KANSL1L: variants seen among roughly 807,000 people sequenced by gnomAD.
The protein encoded by KANSL1L is KAT8 regulatory NSL complex subunit 1 like.
A neutral mutation model predicts 108.6 loss-of-function variants in KANSL1L; 25 were observed. That is an observed-to-expected ratio of 0.23 (90% CI 0.17 to 0.32). The LOEUF (loss-of-function observed/expected upper bound fraction) is 0.32, where lower values mean the gene tolerates loss of function less well. Among genes scored for constraint, KANSL1L ranks in the 10% least tolerant of loss-of-function variants. KANSL1L has a pLI of 1.00. For missense variants in KANSL1L, 1,137 were observed against 1,125.7 expected, an observed-to-expected ratio of 1.01 and a Z score of -0.14; for synonymous variants, 405 against 395.1, an observed-to-expected ratio of 1.03 and a Z score of -0.30.
chr2:210,098,945 G>A (rs182535319), intron 4 of KANSL1L, among the ~76,000 whole-genome samples: 442 of 151,010 alleles, frequency 2.9e-3, no homozygotes, highest in Non-Finnish European at 5.5e-3. Flanking sequence ...AATAAGCAAA[G>A]GCCACATAAA....
intron 6 of KANSL1L, among the ~76,000 whole-genome samples, chr2:210,069,241 C>A (rs976663476): frequency 2.6e-5 from 4 of 152,196 alleles, no homozygotes; most frequent in African/African-American, 9.7e-5. Flanking sequence ...TTTCTAATAA[C>A]GTGTCCCCCA....
chr2:210,050,347 G>A (rs1300486130), intron 6 of KANSL1L, among the ~76,000 whole-genome samples: 1 of 152,062 alleles, frequency 6.6e-6, no homozygotes, highest in Admixed American at 6.5e-5. Context: ...AATGGTCTAA[G>A]CACTTCTAAT....
chr2:210,104,013 G>T, intron 4 of KANSL1L, 91 bp downstream of exon 4: 1 of 987,826 alleles, frequency 1.0e-6, no homozygotes, highest in Non-Finnish European at 1.6e-6. Context: ...CATATGCCAG[G>T]AAGATACACA....
At chr2:210,077,619 G>T (rs1364183489) in intron 5 of KANSL1L, among the ~76,000 whole-genome samples, 2 of 152,124 alleles carry the variant, frequency 1.3e-5, no homozygotes, top group Non-Finnish European at 2.9e-5. Context: ...ACCAAAAGAG[G>T]TTCTTTGTCC....
rs1688075840 is a variant in KANSL1L, at chr2:210,167,844, T to G, written c.-30+3305A>C. Among the ~76,000 whole-genome samples, 3 of 152,154 alleles carry G rather than the reference T, an allele frequency of 2.0e-5. No individual in the cohort carries two copies. In the South Asian group the frequency reaches 6.2e-4, roughly 31 times the overall value. On this transcript the variant is annotated intron_variant, in intron 1 of 14. Transcript: ENST00000281772. ...TTATGAATAGTCTTTGGATTTTTAT[T>G]ATAGACTATCTACTGGCAAGTTTAA...
intron 11 of KANSL1L, among the ~76,000 whole-genome samples, chr2:210,027,832 T>C (rs2093958156): frequency 6.6e-6 from 1 of 152,200 alleles, no homozygotes; most frequent in South Asian, 2.1e-4. Flanking sequence ...GAAATATATT[T>C]TTGCTATAGA....
In KANSL1L at chr2:210,104,205, T is replaced by C. The variant is rs775530611; in HGVS notation, c.1327A>G (p.Asn443Asp). The C allele has an allele frequency of 1.9e-6, 3 of 1,613,540 alleles. No homozygotes were observed. In the African/African-American group the frequency reaches 4.0e-5, roughly 22 times the overall value. Residue 443 changes from asparagine (N) to aspartate (D), a missense_variant, in exon 4 of 15, where the codon AAT becomes GAT. Transcript: ENST00000281772. ...TGACACTCCTGGGGAACCTGAGGATTCCCTAGAATGTTTAGTGAAGCTGCT... is the reference window on the plus strand; with the variant it reads ...TGACACTCCTGGGGAACCTGAGGATCCCCTAGAATGTTTAGTGAAGCTGCT... ...DQAASLNILG[N>D]PQVPQECQDP...
Position 210,153,674 on chromosome 2 carries a change from A to G in KANSL1L, c.909T>C (p.Asn303=). ...CATTTTTTGCATCATCCCACAATTT[A>G]TTCTCTGCAGTCAATGTGTTAACTT... ...KPEVNTLTAE[N]KLWDDAKNGF... is the part of the protein sequence containing the mutation. Residue 303 remains asparagine, a synonymous_variant, in exon 2 of 15, where the codon AAT becomes AAC. Transcript: ENST00000281772. 6.2e-7 allele frequency: 1 copy of G among 1,609,558 alleles called. No homozygotes were observed. The highest frequency in any genetic ancestry group is 8.5e-7 in the Non-Finnish European group (1 of 1,177,966).
At chr2:210,030,072 A>G (rs934990538) in intron 9 of KANSL1L, among the ~76,000 whole-genome samples, 154 bp from the exon 10 acceptor site, 1 of 152,010 alleles carries the variant, frequency 6.6e-6, no homozygotes, top group Non-Finnish European at 1.5e-5. Flanking sequence ...ATGAAAAAAG[A>G]GGAGCCTTAC....
chr2:210,022,437 A>T lies in KANSL1L; in HGVS notation c.*512T>A, dbSNP rs1391614158. 6.5e-6 allele frequency: 1 copy of T among 154,052 alleles called. No individual in the cohort carries two copies. Among genetic ancestry groups the T allele is most frequent in the Non-Finnish European group, 1.4e-5 (1 of 69,202 alleles). The allele number at this position is 154,052 out of a possible 1,614,324, so 9.5% of individuals were successfully genotyped here. A position where few individuals can be genotyped will look rare whatever the true frequency, so the allele number is the denominator to read the frequency against. On this transcript the variant is annotated 3_prime_UTR_variant, in exon 15 of 15. Transcript: ENST00000281772. Reference sequence around the variant, plus strand: ...AGGGTAGTTCATACATGCATTTCCAAGGGGAGTGGGTCATTGCCAGTGTTT... The same window carrying T: ...AGGGTAGTTCATACATGCATTTCCATGGGGAGTGGGTCATTGCCAGTGTTT...
intron 2 of KANSL1L, chr2:210,151,686 A>C (rs750822252): frequency 4.6e-5 from 7 of 152,194 alleles, no homozygotes; most frequent in Non-Finnish European, 1.0e-4. Flanking sequence ...TAAGGATAAC[A>C]ACTACCTGCT....
At chr2:210,093,655 T>G (rs2094711458) in intron 5 of KANSL1L, among the ~76,000 whole-genome samples, 1 of 152,208 alleles carries the variant, frequency 6.6e-6, no homozygotes, top group African/African-American at 2.4e-5. Flanking sequence ...GCAATTAATA[T>G]TTGCTAATTT....
At chr2:210,157,313 C>T (rs967495263) in intron 1 of KANSL1L, among the ~76,000 whole-genome samples, 5 of 152,098 alleles carry the variant, frequency 3.3e-5, no homozygotes, top group African/African-American at 7.2e-5. Context: ...ACCAAACTAG[C>T]GAGCAGCAGA....
At chr2:210,048,026 C>T (rs1042252100) in intron 6 of KANSL1L, among the ~76,000 whole-genome samples, 2 of 152,174 alleles carry the variant, frequency 1.3e-5, no homozygotes, top group Non-Finnish European at 2.9e-5. Context: ...TAAGAGTATA[C>T]TGAACAATGC....
At chr2:210,033,695 A>ATTTTTTTTTTTT (rs10679778) in intron 8 of KANSL1L, among the ~76,000 whole-genome samples, 6 of 133,002 alleles carry the variant, frequency 4.5e-5, no homozygotes, top group Non-Finnish European at 7.9e-5. Context: ...ACGCCCGGCT[A>ATTTTTTTTTTTT]TTTTTTTTTT....
chr2:210,162,637 G>T (rs2095368066), intron 1 of KANSL1L, among the ~76,000 whole-genome samples: 2 of 151,896 alleles, frequency 1.3e-5, no homozygotes, highest in Admixed American at 1.3e-4. Context: ...AGGAGCCCAG[G>T]ACAAAACGTG....
intron 7 of KANSL1L, 88 bp from the exon 8 acceptor site, chr2:210,040,615 T>C: frequency 1.7e-6 from 1 of 576,414 alleles, no homozygotes; most frequent in Non-Finnish European, 3.0e-6. Context: ...TTGCTTTCTT[T>C]CTATAAATAG....
chr2:210,157,319 G>A lies in KANSL1L; in HGVS notation c.-29-2708C>T, dbSNP rs1250621739. 3.9e-5 allele frequency among the ~76,000 whole-genome samples: 6 copies of A among 152,274 alleles called. No homozygotes were observed. The East Asian group carries it at 7.7e-4, about 20-fold the overall frequency. ...ATGAATATAACCAAACTAGCGAGCA[G>A]CAGAGACAGAAGGTGAAATATCACA... On this transcript the variant is annotated intron_variant, in intron 1 of 14. Coordinates refer to ENST00000281772, the MANE Select transcript of KANSL1L (RefSeq NM_152519.4).
chr2:210,026,877 TCTC>T (rs2093945187), intron 12 of KANSL1L, among the ~76,000 whole-genome samples: 2 of 152,164 alleles, frequency 1.3e-5, no homozygotes, highest in South Asian at 4.1e-4. Flanking sequence ...TTCACGCTAT[TCTC>T]CTGCCTCAGC....
Sources: allele counts gnomAD v4.1 joint callset (sites outside exome capture counted in the v4.1 genomes callset), GRCh38; gene constraint gnomAD v4.1.1; transcripts MANE v1.5; gene names NCBI Gene and HGNC (gene_info 2026-07-23, HGNC 2026-07-21).